The following ANXA8 variants were observed in gnomAD, a reference collection of about 807,000 sequenced individuals.
ANXA8 encodes annexin A8, also known as VAC-beta.
In ANXA8, 9 loss-of-function variants were observed where a neutral mutation model predicts 26.8. The ratio of observed to expected loss-of-function variants is 0.34; its 90% CI spans 0.20 to 0.59. The LOEUF (loss-of-function observed/expected upper bound fraction) is 0.59, where lower values mean the gene tolerates loss of function less well. ANXA8 is among the 20% of genes least tolerant of loss of function. The pLI, the probability that ANXA8 is intolerant of heterozygous loss-of-function variation, is 0.84. For missense variants in ANXA8, 83 were observed against 238.5 expected (o/e 0.35, Z 4.29); for synonymous variants, 39 against 94.8 (o/e 0.41, Z 3.42).
the ANXA8 span, among the ~76,000 whole-genome samples, chr10:47,701,734 G>A: frequency 6.6e-6 from 1 of 151,780 alleles, no homozygotes; most frequent in Non-Finnish European, 1.5e-5. Flanking sequence ...CCTACAGGGG[G>A]CACGTAGGAG....
At chr10:47,483,812 G>A in intron 1 of ANXA8, 101 bp downstream of exon 1, 1 of 1,610,276 alleles carries the variant, frequency 6.2e-7, no homozygotes, top group Non-Finnish European at 8.5e-7. Context: ...TGTAGACTGA[G>A]CCACTCCCAG....
At chr10:47,475,255 G>A (rs1262870271) in intron 6 of ANXA8, among the ~76,000 whole-genome samples, 4 of 148,528 alleles carry the variant, frequency 2.7e-5, no homozygotes, top group Admixed American at 1.3e-4. Flanking sequence ...AGGCCTGCAC[G>A]AAGGACCTGC....
the ANXA8 span, among the ~76,000 whole-genome samples, chr10:47,932,678 G>T: frequency 9.9e-6 from 1 of 100,600 alleles, no homozygotes; most frequent in South Asian, 4.1e-4. Context: ...TACCAGAAGA[G>T]ACCAAAGAGC....
At chr10:47,779,088 G>GT in the ANXA8 span, among the ~76,000 whole-genome samples, 325 of 140,780 alleles carry the variant, frequency 2.3e-3, 2 homozygotes, top group African/African-American at 5.6e-3. Flanking sequence ...ACAAGCAATA[G>GT]TTTTTTTTTT....
the ANXA8 span, among the ~76,000 whole-genome samples, chr10:47,762,167 C>T: frequency 1.3e-5 from 2 of 150,900 alleles, no homozygotes; most frequent in Non-Finnish European, 3.0e-5. Context: ...TCCCCTAGCC[C>T]TCTATCAAGG....
At chr10:47,554,663 A>G in the ANXA8 span, among the ~76,000 whole-genome samples, 4 of 150,948 alleles carry the variant, frequency 2.6e-5, no homozygotes, top group Non-Finnish European at 5.9e-5. Flanking sequence ...GCTCAATTCT[A>G]CATCAAAAAA....
the ANXA8 span, among the ~76,000 whole-genome samples, chr10:47,918,385 GAA>G: frequency 5.3e-4 from 7 of 13,088 alleles, 1 homozygote; most frequent in East Asian, 2.1e-3. Context: ...GAGAGAGAGA[GAA>G]AGAAAGAAAG....
the ANXA8 span, among the ~76,000 whole-genome samples, chr10:47,607,356 T>C: frequency 6.9e-6 from 1 of 143,944 alleles, no homozygotes; most frequent in Non-Finnish European, 1.5e-5. Context: ...CTGCAATGAT[T>C]CTTAAAATGC....
chr10:47,888,982 A>G, the ANXA8 span, among the ~76,000 whole-genome samples: 480 of 102,244 alleles, frequency 4.7e-3, 71 homozygotes, highest in African/African-American at 0.019. Context: ...TATAATATAT[A>G]TGTGTGTGTG....
At chr10:47,674,835 A>C in the ANXA8 span, among the ~76,000 whole-genome samples, 1 of 151,786 alleles carries the variant, frequency 6.6e-6, no homozygotes, top group Non-Finnish European at 1.5e-5. Flanking sequence ...AGCTTTGGCC[A>C]CTGGGAGCTC....
the ANXA8 span, among the ~76,000 whole-genome samples, chr10:47,951,273 G>A: frequency 0.03 from 4,500 of 149,324 alleles, 88 homozygotes; most frequent in Non-Finnish European, 0.043. Flanking sequence ...CTTTATAACC[G>A]TTAAAGAAAT....
At chr10:47,556,194 A>G in the ANXA8 span, among the ~76,000 whole-genome samples, 2 of 151,890 alleles carry the variant, frequency 1.3e-5, no homozygotes, top group Non-Finnish European at 2.9e-5. Flanking sequence ...CTAGGCATGT[A>G]CTTCTCTCCA....
At chr10:47,484,641 C>T (rs1172138055), upstream of ANXA8, 9 of 937,664 alleles carry the variant, frequency 9.6e-6, 1 homozygote, top group African/African-American at 6.9e-5. Flanking sequence ...CACAACCCCT[C>T]GGGACCATTC....
the ANXA8 span, among the ~76,000 whole-genome samples, chr10:47,647,973 C>T: frequency 6.6e-6 from 1 of 151,808 alleles, no homozygotes; most frequent in Non-Finnish European, 1.5e-5. Flanking sequence ...AGGGAAGAGA[C>T]TGGAGTTATT....
the ANXA8 span, among the ~76,000 whole-genome samples, chr10:47,580,981 C>T: frequency 6.7e-6 from 1 of 150,002 alleles, no homozygotes; most frequent in South Asian, 2.1e-4. Flanking sequence ...GAGGCTGAGC[C>T]AGGATAATCT....
the ANXA8 span, chr10:47,710,071 T>C: frequency 3.0e-6 from 1 of 337,420 alleles, no homozygotes; most frequent in East Asian, 4.8e-5. Context: ...GATTCAAGAC[T>C]TAGCTATTGT....
At chr10:47,958,774 A>C in the ANXA8 span, among the ~76,000 whole-genome samples, 1 of 148,632 alleles carries the variant, frequency 6.7e-6, no homozygotes, top group Non-Finnish European at 1.5e-5. Context: ...ACAGGGCAGC[A>C]GGAGAGAGAA....
the ANXA8 span, among the ~76,000 whole-genome samples, chr10:47,683,143 T>C: frequency 6.6e-6 from 1 of 152,146 alleles, no homozygotes; most frequent in East Asian, 1.9e-4. Context: ...AAAAATCATC[T>C]TATATCTTTT....
chr10:47,554,422 C>A, the ANXA8 span, among the ~76,000 whole-genome samples: 2 of 151,068 alleles, frequency 1.3e-5, no homozygotes, highest in Non-Finnish European at 2.9e-5. Context: ...GCCTTCCCTG[C>A]TCCCGGGAAA....
Sources: allele counts gnomAD v4.1 joint callset (sites outside exome capture counted in the v4.1 genomes callset), GRCh38; gene constraint gnomAD v4.1.1; transcripts MANE v1.5; gene names NCBI Gene and HGNC (gene_info 2026-07-23, HGNC 2026-07-21).